RCBTB1: variants seen among roughly 807,000 people sequenced by gnomAD.
RCBTB1 encodes RCC1 and BTB domain-containing protein 1.
In RCBTB1, 46 loss-of-function variants were observed where a neutral mutation model predicts 62.4. The ratio of observed to expected loss-of-function variants is 0.74; its 90% confidence interval spans 0.58 to 0.94. The LOEUF (loss-of-function observed/expected upper bound fraction) is 0.94, where lower values mean the gene tolerates loss of function less well. Ranked by LOEUF, RCBTB1 falls within the 40% of genes least tolerant of loss-of-function variation. The pLI, the probability that RCBTB1 is intolerant of heterozygous loss-of-function variation, is 0.00. For synonymous variants in RCBTB1, 222 were observed against 245.8 expected (o/e 0.90, Z 0.91); for missense variants, 565 against 654.9 (o/e 0.86, Z 1.50).
At position 49,532,507 on chromosome 13, in the gene RCBTB1, C is replaced by T. The variant is rs1158085690; in HGVS notation, c.*1615G>A. On this transcript the variant is annotated 3_prime_UTR_variant, in exon 13 of 13. Coordinates refer to ENST00000378302, the MANE Select transcript of RCBTB1 (RefSeq NM_018191.4). ...CACAAATCAATGTGCATTTCTGAAG[C>T]TAGTAAGAAAAGTTCTATCATGTTG... 1 of 152,574 alleles carries T rather than the reference C, an allele frequency of 6.6e-6. No homozygotes were observed. Among genetic ancestry groups the T allele is most frequent in the African/African-American group, 2.4e-5 (1 of 41,430 alleles). 9.5% of individuals were successfully genotyped at this position (152,574 alleles called of 1,614,324 possible).
rs2139100456 is a variant in RCBTB1 at position 49,533,436 on chromosome 13, T to C, written c.*686A>G. On this transcript the variant is annotated 3_prime_UTR_variant, in exon 13 of 13. Coordinates refer to ENST00000378302, the MANE Select transcript of RCBTB1 (RefSeq NM_018191.4). The stretch of plus-strand genomic sequence containing the variant: ...ATTATCAACTTTTCACGGATACTTC[T>C]AAATTACTATTCTTTATGCACTTAA... 6.6e-6 allele frequency: 1 copy of C among 152,354 alleles called. No homozygotes were observed. Among genetic ancestry groups the C allele is most frequent in the South Asian group, 2.1e-4 (1 of 4,826 alleles). 9.4% of individuals were successfully genotyped at this position (152,354 alleles called of 1,614,324 possible).
intron 2 of RCBTB1, among the ~76,000 whole-genome samples, chr13:49,571,259 T>G (rs1456290625): frequency 6.6e-6 from 1 of 152,014 alleles, no homozygotes; most frequent in Non-Finnish European, 1.5e-5. Flanking sequence ...GGCAGGAGAA[T>G]CGCTTGAACC....
chr13:49,545,280 T>C (rs760431080), intron 9 of RCBTB1, among the ~76,000 whole-genome samples: 1 of 152,156 alleles, frequency 6.6e-6, no homozygotes, highest in Non-Finnish European at 1.5e-5. Flanking sequence ...GGGGTCAGCA[T>C]ACCCAACTCA....
At chr13:49,550,322 G>T in intron 8 of RCBTB1, 1 of 386,624 alleles carries the variant, frequency 2.6e-6, no homozygotes, top group Non-Finnish European at 3.5e-6. Flanking sequence ...TCCTACCAGA[G>T]CTCAGAACAC....
intron 4 of RCBTB1, among the ~76,000 whole-genome samples, chr13:49,565,810 C>T (rs1188551192): frequency 7.4e-4 from 81 of 109,782 alleles, no homozygotes; most frequent in African/African-American, 2.5e-3. Context: ...ATGGCGGTTT[C>T]GTCGAATAGA....
intron 12 of RCBTB1, among the ~76,000 whole-genome samples, chr13:49,537,343 CA>C (rs1960016311): frequency 6.6e-6 from 1 of 152,172 alleles, no homozygotes; most frequent in Non-Finnish European, 1.5e-5. Flanking sequence ...AACATTCTAC[CA>C]TATGGAGAAA....
intron 12 of RCBTB1, among the ~76,000 whole-genome samples, chr13:49,536,121 A>C (rs937063893): frequency 6.6e-6 from 1 of 152,170 alleles, no homozygotes; most frequent in Non-Finnish European, 1.5e-5. Context: ...GGTTCTATCA[A>C]ACTGCCTTCC....
At chr13:49,549,811 G>A in intron 8 of RCBTB1, 163 bp from the exon 9 acceptor site, 5 of 985,316 alleles carry the variant, frequency 5.1e-6, no homozygotes, top group Non-Finnish European at 6.0e-6. Flanking sequence ...ACAGATCAGG[G>A]CAAGAGCACT....
At chr13:49,552,789 G>A (rs1161999445) in intron 6 of RCBTB1, among the ~76,000 whole-genome samples, 1 of 151,762 alleles carries the variant, frequency 6.6e-6, no homozygotes, top group Non-Finnish European at 1.5e-5. Flanking sequence ...ATGAAGGAGA[G>A]CAAAAACATT....
At chr13:49,556,618 C>T (rs752424028) in intron 5 of RCBTB1, among the ~76,000 whole-genome samples, 5 of 152,130 alleles carry the variant, frequency 3.3e-5, no homozygotes, top group Non-Finnish European at 7.3e-5. Context: ...CCCTGCTTCA[C>T]GTGGCTGCAG....
intron 8 of RCBTB1, 191 bp from the exon 9 acceptor site, chr13:49,549,839 G>A (rs1416483157): frequency 1.0e-6 from 1 of 985,144 alleles, no homozygotes; most frequent in Non-Finnish European, 1.2e-6. Flanking sequence ...TTTCCCAAAT[G>A]CCCACTTCTC....
intron 10 of RCBTB1, among the ~76,000 whole-genome samples, chr13:49,542,158 G>A (rs976595846): frequency 4.6e-5 from 7 of 151,078 alleles, no homozygotes; most frequent in Non-Finnish European, 1.0e-4. Flanking sequence ...AGGTTGTGGC[G>A]AGCCGAGATT....
At chr13:49,559,768 T>C (rs1179911792) in intron 5 of RCBTB1, 150 bp downstream of exon 5, 15 of 628,970 alleles carry the variant, frequency 2.4e-5, no homozygotes, top group Non-Finnish European at 3.6e-5. Flanking sequence ...GTTCTGTGGG[T>C]GCATGCTGGT....
intron 2 of RCBTB1, among the ~76,000 whole-genome samples, chr13:49,573,351 CG>C (rs1385429067): frequency 6.6e-6 from 1 of 151,628 alleles, no homozygotes; most frequent in Non-Finnish European, 1.5e-5. Context: ...TTAGTTTGTT[CG>C]TTTGTTTGTT....
intron 1 of RCBTB1, among the ~76,000 whole-genome samples, chr13:49,581,198 C>T (rs189423204): frequency 3.3e-5 from 5 of 151,620 alleles, no homozygotes; most frequent in South Asian, 2.1e-4. Context: ...AGACATGAGA[C>T]GACAAAGGAG....
intron 4 of RCBTB1, among the ~76,000 whole-genome samples, chr13:49,562,785 T>C (rs1204488515): frequency 1.5e-5 from 2 of 134,538 alleles, no homozygotes; most frequent in African/African-American, 2.8e-5. Flanking sequence ...GCTTTTTTTT[T>C]TTTTTTTTTT....
chr13:49,547,476 AAAC>A (rs1490233152), intron 9 of RCBTB1, among the ~76,000 whole-genome samples: 1 of 152,252 alleles, frequency 6.6e-6, no homozygotes, highest in Non-Finnish European at 1.5e-5. Flanking sequence ...CTTATAAATA[AAAC>A]AACTTAAAAG....
chr13:49,572,264 T>A (rs550145136), intron 2 of RCBTB1, among the ~76,000 whole-genome samples: 1 of 150,416 alleles, frequency 6.6e-6, no homozygotes, highest in Non-Finnish European at 1.5e-5. Context: ...GAGGTGGAGG[T>A]TGCAGTGAGC....
At chr13:49,556,537 G>A (rs1961897810) in intron 5 of RCBTB1, among the ~76,000 whole-genome samples, 1 of 152,022 alleles carries the variant, frequency 6.6e-6, no homozygotes, top group Non-Finnish European at 1.5e-5. Context: ...GATGAATTAG[G>A]GAGGGAGGTG....
Sources: gnomAD v4.1 joint callset for allele counts (sites outside exome capture counted in the v4.1 genomes callset) on GRCh38, gnomAD v4.1.1 for gene constraint, MANE v1.5 for transcripts, NCBI Gene and HGNC (gene_info 2026-07-23, HGNC 2026-07-21) for gene names.